POPDC1: variants seen among roughly 807,000 people sequenced by gnomAD.
The protein encoded by POPDC1 is popeye domain-containing protein 1.
the POPDC1 span, among the ~76,000 whole-genome samples, chr6:105,109,763 CAA>C: frequency 0.024 from 538 of 22,876 alleles, 40 homozygotes; most frequent in African/African-American, 0.032. Flanking sequence ...GACCCTTTCT[CAA>C]AAAAAAAAAA....
the POPDC1 span, among the ~76,000 whole-genome samples, chr6:105,109,410 T>C: frequency 5.4e-3 from 826 of 152,238 alleles, 7 homozygotes; most frequent in African/African-American, 0.019. Flanking sequence ...AGAAGTGAGC[T>C]ATCTACGTAG....
chr6:105,122,962 G>T, the POPDC1 span, among the ~76,000 whole-genome samples: 17 of 152,138 alleles, frequency 1.1e-4, no homozygotes, highest in African/African-American at 4.1e-4. Flanking sequence ...TGATTACTCA[G>T]GCCAGTTATT....
chr6:105,135,812 G>A, the POPDC1 span, among the ~76,000 whole-genome samples: 6 of 152,038 alleles, frequency 3.9e-5, no homozygotes, highest in Non-Finnish European at 8.8e-5. Flanking sequence ...ATATTGATCA[G>A]ATCAGTTTAC....
chr6:105,105,853 TGATTTTTCAAATCAC>T, the POPDC1 span, among the ~76,000 whole-genome samples: 1 of 152,340 alleles, frequency 6.6e-6, no homozygotes, highest in East Asian at 1.9e-4. Flanking sequence ...TTTAGTTAAG[TGATTTTTCAAATCAC>T]TTTTGTTCTT....
chr6:105,124,208 C>T, the POPDC1 span, among the ~76,000 whole-genome samples: 1 of 151,898 alleles, frequency 6.6e-6, no homozygotes, highest in African/African-American at 2.4e-5. Context: ...TGGTGAAACC[C>T]CGTTGCTACT....
the POPDC1 span, among the ~76,000 whole-genome samples, chr6:105,126,493 C>G: frequency 6.6e-6 from 1 of 151,770 alleles, no homozygotes; most frequent in African/African-American, 2.4e-5. Flanking sequence ...GGGGAAGATC[C>G]GCACTATTCA....
the POPDC1 span, among the ~76,000 whole-genome samples, chr6:105,117,066 C>T: frequency 6.6e-6 from 1 of 152,148 alleles, no homozygotes; most frequent in Non-Finnish European, 1.5e-5. Flanking sequence ...AATCTGCAGA[C>T]TAAATAAAAG....
At chr6:105,111,978 A>G in the POPDC1 span, among the ~76,000 whole-genome samples, 1 of 152,212 alleles carries the variant, frequency 6.6e-6, no homozygotes, top group Non-Finnish European at 1.5e-5. Context: ...AGACAAGAAC[A>G]CCATAATCAC....
At chr6:105,119,734 T>A in the POPDC1 span, among the ~76,000 whole-genome samples, 1 of 152,224 alleles carries the variant, frequency 6.6e-6, no homozygotes, top group Non-Finnish European at 1.5e-5. Context: ...AGAAATTATA[T>A]TTAGATGATA....
chr6:105,116,914 A>G, the POPDC1 span: 1 of 1,552,538 alleles, frequency 6.4e-7, no homozygotes, highest in Non-Finnish European at 8.8e-7. Context: ...ATCTATGTAT[A>G]TGAATTATGA....
At chr6:105,126,331 C>T in the POPDC1 span, among the ~76,000 whole-genome samples, 2 of 150,970 alleles carry the variant, frequency 1.3e-5, no homozygotes, top group Admixed American at 1.3e-4. Flanking sequence ...ACTTGGGAGG[C>T]TGAGGTGGGA....
At chr6:105,120,799 T>C in the POPDC1 span, among the ~76,000 whole-genome samples, 3 of 152,348 alleles carry the variant, frequency 2.0e-5, no homozygotes, top group East Asian at 1.9e-4. Context: ...AGTGTGGCAA[T>C]AGGACTGGCT....
chr6:105,124,331 G>A, the POPDC1 span, among the ~76,000 whole-genome samples: 1 of 139,436 alleles, frequency 7.2e-6, no homozygotes, highest in East Asian at 2.2e-4. Context: ...GCAGTGAGCC[G>A]AGATTGCACC....
chr6:105,124,893 T>C, the POPDC1 span, among the ~76,000 whole-genome samples: 1 of 152,184 alleles, frequency 6.6e-6, no homozygotes, highest in Non-Finnish European at 1.5e-5. Flanking sequence ...TGGTTACTAT[T>C]GCTCTTCTAA....
At chr6:105,134,842 T>C in the POPDC1 span, among the ~76,000 whole-genome samples, 27 of 152,214 alleles carry the variant, frequency 1.8e-4, no homozygotes, top group Non-Finnish European at 3.2e-4. Flanking sequence ...GATATTGATT[T>C]GCTACAAAAA....
chr6:105,100,090 T>G, the POPDC1 span: 11 of 152,294 alleles, frequency 7.2e-5, no homozygotes, highest in African/African-American at 2.6e-4. Flanking sequence ...CTGAGAGTTT[T>G]GTTCATTATC....
At chr6:105,105,724 G>T in the POPDC1 span, among the ~76,000 whole-genome samples, 4 of 100,122 alleles carry the variant, frequency 4.0e-5, no homozygotes, top group Non-Finnish European at 9.8e-5. Context: ...ACTTCTACAG[G>T]TTTGCCTGGT....
the POPDC1 span, among the ~76,000 whole-genome samples, chr6:105,132,530 C>A: frequency 6.6e-6 from 1 of 152,156 alleles, no homozygotes; most frequent in Non-Finnish European, 1.5e-5. Context: ...GATTGCCCAT[C>A]TGTTTCTCCA....
chr6:105,121,518 T>C, the POPDC1 span, among the ~76,000 whole-genome samples: 1 of 152,138 alleles, frequency 6.6e-6, no homozygotes, highest in Non-Finnish European at 1.5e-5. Flanking sequence ...TCCACCCGCC[T>C]CAGCCTCCCA....
Sources: allele counts gnomAD v4.1 joint callset (sites outside exome capture counted in the v4.1 genomes callset), GRCh38; gene constraint gnomAD v4.1.1; transcripts MANE v1.5; gene names NCBI Gene and HGNC (gene_info 2026-07-23, HGNC 2026-07-21).